The following DDX27 variants were observed in gnomAD, a reference collection of about 807,000 sequenced individuals.
The protein encoded by DDX27 is DEAD-box helicase 27.
Under a neutral mutation model 99.3 loss-of-function variants are expected in DDX27, and 42 were observed. That is an observed-to-expected ratio of 0.42 (90% CI 0.33 to 0.55). DDX27 has a LOEUF of 0.55. Among genes scored for constraint, DDX27 ranks in the 20% least tolerant of loss-of-function variants. DDX27 has a pLI of 0.07. For missense variants in DDX27, 798 were observed against 976.8 expected (o/e 0.82, Z 2.44); for synonymous variants, 329 against 353.8 (o/e 0.93, Z 0.79).
At chr20:49,233,824 C>T (rs1001659041) in intron 11 of DDX27, 115 bp downstream of exon 11, 26 of 1,210,438 alleles carry the variant, frequency 2.1e-5, no homozygotes, top group East Asian at 9.5e-5. Flanking sequence ...TCTTCCCCAG[C>T]GCAGAGGCTG....
intron 4 of DDX27, among the ~76,000 whole-genome samples, chr20:49,224,572 A>G (rs928815884): frequency 2.0e-5 from 3 of 152,144 alleles, no homozygotes; most frequent in African/African-American, 7.2e-5. Context: ...CATGTTGGAC[A>G]GGCTGGTCCC....
intron 1 of DDX27, among the ~76,000 whole-genome samples, chr20:49,220,132 T>G (rs530449766): frequency 1.3e-5 from 2 of 152,316 alleles, no homozygotes; most frequent in South Asian, 4.1e-4. Context: ...GTCCGCCTGA[T>G]AGGTTTATCC....
chr20:49,225,751 G>A (rs1979864448), intron 6 of DDX27, among the ~76,000 whole-genome samples: 1 of 152,058 alleles, frequency 6.6e-6, no homozygotes, highest in African/African-American at 2.4e-5. Flanking sequence ...CACCGCGCCC[G>A]GCCGAGAACT....
chr20:49,233,842 C>A, intron 11 of DDX27, 133 bp downstream of exon 11: 2 of 964,020 alleles, frequency 2.1e-6, no homozygotes, highest in Non-Finnish European at 3.1e-6. Context: ...CTGCACTGCA[C>A]TAATGATGAT....
intron 7 of DDX27, among the ~76,000 whole-genome samples, chr20:49,227,902 G>A (rs1381661916): frequency 2.7e-5 from 4 of 147,890 alleles, no homozygotes; most frequent in African/African-American, 7.5e-5. Context: ...GTGCAGTGGC[G>A]CAATCTTGGC....
rs1980488423 is a variant in DDX27 at position 49,241,942 on chromosome 20, A to G, written c.1947A>G (p.Lys649=). The G allele has an allele frequency of 6.2e-7, 1 of 1,614,150 alleles. No individual in the cohort carries two copies. The highest frequency in any genetic ancestry group is 8.5e-7 in the Non-Finnish European group (1 of 1,180,038). The part of the protein sequence containing the change: ...EFDLALRGKK[K]RKKFMKDAKK... ...ACTTGGCCTTAAGAGGAAAGAAGAAAAGGAAGAAGTTTATGAAGGATGCCA... is the reference window on the plus strand; with the variant it reads ...ACTTGGCCTTAAGAGGAAAGAAGAAGAGGAAGAAGTTTATGAAGGATGCCA... The change falls in exon 17 of 21, where the codon AAA becomes AAG. Residue 649 remains lysine (K), a synonymous_variant. Transcript: ENST00000618172.
intron 11 of DDX27, 61 bp from the exon 12 acceptor site, chr20:49,234,874 G>T (rs879294469): frequency 2.0e-6 from 3 of 1,525,148 alleles, no homozygotes; most frequent in African/African-American, 2.8e-5. Flanking sequence ...GGATGAGGAG[G>T]GGGTACATGT....
intron 9 of DDX27, among the ~76,000 whole-genome samples, chr20:49,231,909 G>C (rs571980030): frequency 6.6e-6 from 1 of 150,632 alleles, no homozygotes; most frequent in African/African-American, 2.4e-5. Flanking sequence ...TTTGAGTCAG[G>C]GTCTTGCTTT....
Position 49,225,122 on chromosome 20 carries a change from G to C in DDX27, c.523G>C (p.Gly175Arg). The change falls in exon 6 of 21, where the codon GGA (glycine) becomes CGA (arginine). Residue 175 changes from glycine (G) to arginine (R), a missense_variant. Physicochemically the swap from Gly to Arg is moderately radical, Grantham distance 125 (BLOSUM62 -2). Coordinates refer to ENST00000618172, the MANE Select transcript of DDX27 (RefSeq NM_017895.8). ...KKKKKGQEAG[G>R]FFEDASQYDE... ...TGGTTTTCTGGTGTAGGAAGCAGGA[G>C]GATTTTTTGAAGATGCATCTCAGTA... The C allele has an allele frequency of 6.2e-7, 1 of 1,613,956 alleles. No homozygotes were observed.
At chr20:49,226,592 C>T (rs1979896961) in intron 7 of DDX27, 57 bp downstream of exon 7, 1 of 1,239,234 alleles carries the variant, frequency 8.1e-7, no homozygotes, top group East Asian at 2.4e-5. Context: ...GGGCTGGGCT[C>T]TAGGTTGACT....
chr20:49,229,006 T>C (rs917237219), intron 8 of DDX27, 118 bp downstream of exon 8: 4 of 879,900 alleles, frequency 4.5e-6, no homozygotes, highest in Non-Finnish European at 6.2e-6. Context: ...TTGTGTTGAT[T>C]GAATCCACTT....
At chr20:49,235,616 A>G (rs1980274122) in intron 12 of DDX27, 1 of 156,470 alleles carries the variant, frequency 6.4e-6, no homozygotes, top group African/African-American at 2.4e-5. Context: ...TGTTTGTTAA[A>G]GATAGGCTGA....
chr20:49,220,338 C>T (rs892632522), intron 1 of DDX27, among the ~76,000 whole-genome samples: 19 of 152,150 alleles, frequency 1.2e-4, no homozygotes, highest in African/African-American at 4.1e-4. Context: ...CACACTGTAC[C>T]CACCCTAGCT....
chr20:49,221,375 A>C, intron 1 of DDX27, 77 bp from the exon 2 acceptor site: 1 of 1,573,176 alleles, frequency 6.4e-7, no homozygotes, highest in Non-Finnish European at 8.7e-7. Context: ...GGTGTGAGCC[A>C]CTGTGCCTGG....
chr20:49,243,224 A>ATAG (rs1980539137), intron 19 of DDX27, among the ~76,000 whole-genome samples: 1 of 152,094 alleles, frequency 6.6e-6, no homozygotes, highest in Non-Finnish European at 1.5e-5. Context: ...TGGAGGTGAA[A>ATAG]TAGTACATTG....
rs367668533 is a variant in DDX27, at chr20:49,242,226, A to G, written c.2116+20A>G. The stretch of plus-strand genomic sequence containing the variant: ...GTCCTGGTAGGTGAATGGGGAGCCC[A>G]AAGGAGCTTGTACAAGGTTTTCCCT... On this transcript the variant is annotated intron_variant, in intron 18 of 20. Transcript: ENST00000618172. 3 of 1,613,302 alleles carry G rather than the reference A, an allele frequency of 1.9e-6. No homozygotes were observed. In the African/African-American group the frequency reaches 4.0e-5, roughly 22 times the overall value.
At chr20:49,219,850 C>T (rs1216552259) in intron 1 of DDX27, among the ~76,000 whole-genome samples, 1 of 152,086 alleles carries the variant, frequency 6.6e-6, no homozygotes, top group Non-Finnish European at 1.5e-5. Flanking sequence ...GTGAAGTCAG[C>T]CATGGTTCCT....
Position 49,224,362 on chromosome 20 carries a change from C to CTTT in DDX27, c.467-582_467-580dup, listed in dbSNP as rs10654735. On this transcript the variant is annotated intron_variant, in intron 4 of 20. Coordinates refer to ENST00000618172, the MANE Select transcript of DDX27 (RefSeq NM_017895.8). ...GTGGGTGCTCAATAAGTATTTCTTT[C>CTTT]TTTCTTTTTTTTTTTTTGAGATGGA... 3.0e-4 allele frequency among the ~76,000 whole-genome samples: 42 copies of CTTT among 140,854 alleles called. 10 individuals are homozygous for CTTT. Among genetic ancestry groups the CTTT allele is most frequent in the African/African-American group, 2.9e-4 (11 of 37,450 alleles). The allele number at this position is 140,854 out of a possible 152,430, so 92.4% of individuals were successfully genotyped here.
At chr20:49,242,806 C>T (rs1980525463) in intron 19 of DDX27, 125 bp downstream of exon 19, 3 of 893,784 alleles carry the variant, frequency 3.4e-6, no homozygotes, top group Non-Finnish European at 5.2e-6. Context: ...ACTGCAAGCT[C>T]CACCTCCTGG....
Sources: gnomAD v4.1 joint callset for allele counts (sites outside exome capture counted in the v4.1 genomes callset) on GRCh38, gnomAD v4.1.1 for gene constraint, MANE v1.5 for transcripts, NCBI Gene and HGNC (gene_info 2026-07-23, HGNC 2026-07-21) for gene names.